Variants in ACADSB observed in about 807,000 individuals in gnomAD.
The protein encoded by ACADSB is acyl-CoA dehydrogenase short/branched chain, also known as short/branched chain specific acyl-CoA dehydrogenase, mitochondrial.
ACADSB carries 40 observed loss-of-function variants against 54.1 expected under a neutral mutation model. The ratio of observed to expected loss-of-function variants is 0.74; its 90% CI spans 0.57 to 0.96. The LOEUF is 0.96. Ranked by LOEUF, ACADSB falls within the 40% of genes least tolerant of loss-of-function variation. The pLI is 0.00. For missense variants in ACADSB, 530 were observed against 510.4 expected, an observed-to-expected ratio of 1.04 and a Z score of -0.37; for synonymous variants, 182 against 182.8, an observed-to-expected ratio of 1.00 and a Z score of 0.03.
At chr10:123,024,399 C>T (rs904656619) in intron 1 of ACADSB, among the ~76,000 whole-genome samples, 2 of 152,226 alleles carry the variant, frequency 1.3e-5, no homozygotes, top group African/African-American at 4.8e-5. Flanking sequence ...CACTCCTTGG[C>T]CTTCAGGCAA....
At position 123,009,056 on chromosome 10, in the gene ACADSB, G is replaced by T. The variant is rs1025841198; in HGVS notation, c.27G>T (p.Leu9=). Residue 9 remains leucine, a synonymous_variant, in exon 1 of 11, where the codon CTG becomes CTT. Coordinates refer to ENST00000358776, the MANE Select transcript of ACADSB (RefSeq NM_001609.4). Reference sequence around the variant, plus strand: ...TGGAGGGCCTGGCAGTGCGGTTGCTGCGCGGCAGCAGGCTGGTGAGTGCGT... The same window carrying T: ...TGGAGGGCCTGGCAGTGCGGTTGCTTCGCGGCAGCAGGCTGGTGAGTGCGT... MEGLAVRL[L]RGSRLLRRNF... is the part of the protein sequence containing the mutation. 7 of 1,547,658 alleles carry T rather than the reference G, an allele frequency of 4.5e-6. No homozygotes were observed. The African/African-American group carries it at 9.6e-5, about 21-fold the overall frequency.
chr10:123,043,316 C>A (rs762849417), intron 6 of ACADSB, 145 bp downstream of exon 6: 19 of 1,035,576 alleles, frequency 1.8e-5, no homozygotes, highest in Non-Finnish European at 2.6e-5. Flanking sequence ...GAACAGCGCT[C>A]TTTAGTCATG....
intron 4 of ACADSB, 21 bp downstream of exon 4, chr10:123,040,693 G>C (rs1339189907): frequency 6.3e-7 from 1 of 1,580,452 alleles, no homozygotes; most frequent in South Asian, 1.1e-5. Context: ...ATGAATTGTT[G>C]ATCTAATGGA....
intron 1 of ACADSB, among the ~76,000 whole-genome samples, chr10:123,023,763 A>G (rs12773056): frequency 0.018 from 2,697 of 152,358 alleles, 45 homozygotes; most frequent in Middle Eastern, 0.031. Flanking sequence ...GCCTGGGTAC[A>G]TGCAATTCCA....
At chr10:123,035,014 A>G (rs1432809261) in intron 2 of ACADSB, among the ~76,000 whole-genome samples, 3 of 151,400 alleles carry the variant, frequency 2.0e-5, no homozygotes, top group African/African-American at 2.4e-5. Flanking sequence ...CAGTGGCGCA[A>G]TCTCGGCTCA....
chr10:123,018,864 C>A (rs1850141639), intron 1 of ACADSB, among the ~76,000 whole-genome samples: 1 of 152,106 alleles, frequency 6.6e-6, no homozygotes, highest in South Asian at 2.1e-4. Flanking sequence ...AACCCGCCCC[C>A]ATGATTCAGT....
At chr10:123,031,503 G>A (rs1331458869) in intron 1 of ACADSB, among the ~76,000 whole-genome samples, 1 of 152,194 alleles carries the variant, frequency 6.6e-6, no homozygotes, top group African/African-American at 2.4e-5. Flanking sequence ...TGATGGAGAG[G>A]ACACCAAAGC....
chr10:123,042,046 A>ACCT (rs994974767), intron 5 of ACADSB, among the ~76,000 whole-genome samples: 1 of 149,564 alleles, frequency 6.7e-6, no homozygotes, highest in Non-Finnish European at 1.5e-5. Context: ...CCTCACTGCA[A>ACCT]CCTCCTCCTC....
intron 1 of ACADSB, among the ~76,000 whole-genome samples, chr10:123,020,507 T>A (rs1019434569): frequency 1.3e-5 from 2 of 152,216 alleles, no homozygotes. Context: ...ACATCTGGAT[T>A]GTTTCCAGTT....
Position 123,052,575 on chromosome 10 carries a change from C to T in ACADSB, c.1129-486C>T, listed in dbSNP as rs1428235517. ...CTATTGCCATGGAAGGCAGCATATT[C>T]ACAGCTCTGAGGGCTAGGATGTGGA... On this transcript the variant is annotated intron_variant, in intron 9 of 10. Transcript: ENST00000358776. This position sits in a 1 kb window ranked among gnomAD's most constrained non-coding sequence, Gnocchi z 4.2. Among the ~76,000 whole-genome samples, 1 of 152,192 alleles carries T rather than the reference C, an allele frequency of 6.6e-6. No individual in the cohort carries two copies. Among genetic ancestry groups the T allele is most frequent in the East Asian group, 1.9e-4 (1 of 5,192 alleles).
intron 7 of ACADSB, among the ~76,000 whole-genome samples, chr10:123,046,880 G>A (rs2133487923): frequency 6.6e-6 from 1 of 152,300 alleles, no homozygotes. Flanking sequence ...TATACCTGGA[G>A]AATCAAAGCT....
rs1850732846 is a variant in ACADSB at position 123,058,248 on chromosome 10, A to G, written c.*4483A>G. 6.6e-6 allele frequency: 1 copy of G among 152,380 alleles called. No individual in the cohort carries two copies. Among genetic ancestry groups the G allele is most frequent in the South Asian group, 2.1e-4 (1 of 4,830 alleles). 9.4% of individuals were successfully genotyped at this position (152,380 alleles called of 1,614,324 possible). On this transcript the variant is annotated 3_prime_UTR_variant, in exon 11 of 11. Transcript: ENST00000358776. ...TTGTATTCGATGTTACAAAACCAAT[A>G]TTCTATGGAGAATGAAAAAAATAAA...
In ACADSB at chr10:123,054,122, G is replaced by C; in HGVS notation, c.*357G>C. 3.8e-6 allele frequency: 1 copy of C among 263,570 alleles called. No individual in the cohort carries two copies. Among genetic ancestry groups the C allele is most frequent in the South Asian group, 4.9e-5 (1 of 20,258 alleles). The allele number at this position is 263,570 out of a possible 1,614,324, so 16.3% of individuals were successfully genotyped here. A position where few individuals can be genotyped will look rare whatever the true frequency, so the allele number is the denominator to read the frequency against. ...GCTCACTGCAGCCTTGACCTCCTGG[G>C]TTCCAGTGATTCTCATGCCTCATCC... On this transcript the variant is annotated 3_prime_UTR_variant, in exon 11 of 11. Transcript: ENST00000358776.
At chr10:123,011,856 ATT>A (rs112428179) in intron 1 of ACADSB, among the ~76,000 whole-genome samples, 1 of 138,334 alleles carries the variant, frequency 7.2e-6, no homozygotes. Flanking sequence ...TTAAGAGATG[ATT>A]TTTTTTTTTT....
At position 123,051,067 on chromosome 10, in the gene ACADSB, G is replaced by A; in HGVS notation, c.1009G>A (p.Ala337Thr). 1.9e-6 allele frequency: 3 copies of A among 1,612,254 alleles called. No homozygotes were observed. Among genetic ancestry groups the A allele is most frequent in the African/African-American group, 1.3e-5 (1 of 74,916 alleles). ...FDFQGLQHQV[A>T]HVATQLEAAR... is the part of the protein sequence containing the mutation. ...GTTACAGGGCCTCCAACACCAAGTG[G>A]CTCACGTGGCCACCCAGCTGGAAGC... is the stretch of plus-strand genomic sequence containing the variant. The change falls in exon 9 of 11, where the codon GCT (alanine) becomes ACT (threonine). Residue 337 changes from alanine (A) to threonine (T), a missense_variant. Physicochemically the swap from Ala to Thr is moderately conservative, Grantham distance 58. Transcript: ENST00000358776.
At chr10:123,046,648 T>A (rs1420239849) in intron 7 of ACADSB, among the ~76,000 whole-genome samples, 1 of 152,210 alleles carries the variant, frequency 6.6e-6, no homozygotes, top group Non-Finnish European at 1.5e-5. Context: ...TTAAATCAGA[T>A]TCCCCAAATG....
chr10:123,044,312 T>G, intron 6 of ACADSB, 81 bp from the exon 7 acceptor site: 1 of 1,217,364 alleles, frequency 8.2e-7, no homozygotes, highest in Non-Finnish European at 1.2e-6. Flanking sequence ...GAATTGAGAG[T>G]CTATGTGTAC....
chr10:123,011,464 T>C (rs1393130924), intron 1 of ACADSB, among the ~76,000 whole-genome samples: 1 of 152,126 alleles, frequency 6.6e-6, no homozygotes, highest in Non-Finnish European at 1.5e-5. Context: ...GCAACCCAAT[T>C]AGTGGAGAAT....
intron 5 of ACADSB, 75 bp from the exon 6 acceptor site, chr10:123,042,971 T>C (rs1850494570): frequency 6.4e-7 from 1 of 1,552,012 alleles, no homozygotes; most frequent in South Asian, 1.1e-5. Context: ...TTTAGTTTTC[T>C]TTTTACTTAA....
Sources: gnomAD v4.1 joint callset for allele counts (sites outside exome capture counted in the v4.1 genomes callset) on GRCh38, gnomAD v4.1.1 for gene constraint, Gnocchi (gnomAD v3.1) non-coding constraint, MANE v1.5 for transcripts, NCBI Gene and HGNC (gene_info 2026-07-23, HGNC 2026-07-21) for gene names.